Variants in RAD51B observed in about 807,000 individuals in gnomAD.
RAD51B encodes DNA repair protein RAD51 homolog 2.
Under a neutral mutation model 42.2 loss-of-function variants are expected in RAD51B, and 38 were observed. The observed-to-expected ratio is 0.90, with a 90% CI of 0.70 to 1.18. The LOEUF is 1.18. Ranked by LOEUF, RAD51B falls within the 50% of genes most tolerant of loss-of-function variation. RAD51B has a pLI of 0.00. For missense variants in RAD51B, 373 were observed against 400.7 expected, an observed-to-expected ratio of 0.93 and a Z score of 0.59; for synonymous variants, 154 against 145.2, an observed-to-expected ratio of 1.06 and a Z score of -0.43.
intron 7 of RAD51B, among the ~76,000 whole-genome samples, chr14:68,269,511 T>A (rs1445687594): frequency 6.6e-6 from 1 of 152,212 alleles, no homozygotes; most frequent in African/African-American, 2.4e-5. Flanking sequence ...GGATCGTCAC[T>A]CAGATCTCAG....
downstream of RAD51B, among the ~76,000 whole-genome samples, chr14:68,478,844 C>T (rs1010770771): frequency 1.3e-5 from 2 of 152,198 alleles, no homozygotes; most frequent in African/African-American, 4.8e-5. Context: ...TTTAACGACT[C>T]AGTATTTGTT....
At chr14:67,827,776 G>A (rs2040883208) in intron 3 of RAD51B, among the ~76,000 whole-genome samples, 2 of 152,176 alleles carry the variant, frequency 1.3e-5, no homozygotes, top group African/African-American at 4.8e-5. Context: ...TGCTGAGGAT[G>A]ATGGCTTCCA....
chr14:67,944,326 A>G lies in RAD51B; in HGVS notation c.756+57122A>G, dbSNP rs531209347. The stretch of plus-strand genomic sequence containing the variant: ...ATTAGTTGTTTTAAGCCACAAATAT[A>G]TAAGGAAGTTATTTTCTTTCAAAAC... On this transcript the variant is annotated intron_variant, in intron 7 of 10. Coordinates refer to ENST00000471583, the MANE Select transcript of RAD51B (RefSeq NM_133510.4). 9.2e-4 allele frequency among the ~76,000 whole-genome samples: 140 copies of G among 151,690 alleles called. 1 individual carries two copies. Among genetic ancestry groups the G allele is most frequent in the Non-Finnish European group, 1.2e-3 (82 of 67,988 alleles).
chr14:68,403,417 A>C (rs375899507), intron 8 of RAD51B, among the ~76,000 whole-genome samples: 1 of 152,178 alleles, frequency 6.6e-6, no homozygotes, highest in Non-Finnish European at 1.5e-5. Flanking sequence ...TTGATCTCCT[A>C]GAAATGCTTA....
At chr14:68,446,250 ATG>A (rs1379063076) in intron 9 of RAD51B, among the ~76,000 whole-genome samples, 1 of 152,222 alleles carries the variant, frequency 6.6e-6, no homozygotes, top group Non-Finnish European at 1.5e-5. Flanking sequence ...TATGGAGATT[ATG>A]AAGTGCTCTG....
chr14:67,884,136 T>G (rs1291116823), intron 5 of RAD51B, among the ~76,000 whole-genome samples: 1 of 152,208 alleles, frequency 6.6e-6, no homozygotes, highest in African/African-American at 2.4e-5. Context: ...TAAAAAACAT[T>G]TAGAGAAACA....
At chr14:68,435,492 GT>G (rs35536205) in intron 9 of RAD51B, among the ~76,000 whole-genome samples, 27,277 of 128,048 alleles carry the variant, frequency 0.21, 2,911 homozygotes, top group East Asian at 0.46. Flanking sequence ...GTGGTTTTTG[GT>G]TTTTTTTTTT....
At chr14:67,833,012 A>G (rs960731451) in intron 3 of RAD51B, among the ~76,000 whole-genome samples, 13 of 152,232 alleles carry the variant, frequency 8.5e-5, no homozygotes, top group Non-Finnish European at 1.9e-4. Flanking sequence ...AATGATCAAA[A>G]CCAACAAATG....
At chr14:67,915,846 T>A (rs2044133717) in intron 7 of RAD51B, among the ~76,000 whole-genome samples, 2 of 152,222 alleles carry the variant, frequency 1.3e-5, no homozygotes, top group South Asian at 4.1e-4. Flanking sequence ...AGCCTGAAGC[T>A]TTTTTCCTCC....
intron 7 of RAD51B, among the ~76,000 whole-genome samples, chr14:68,175,928 A>G (rs1288325312): frequency 3.9e-5 from 6 of 152,202 alleles, no homozygotes; most frequent in Admixed American, 1.3e-4. Flanking sequence ...GAATAGTTGC[A>G]TTCAAATTTG....
At chr14:67,856,401 A>T (rs2042001537) in intron 4 of RAD51B, among the ~76,000 whole-genome samples, 1 of 151,758 alleles carries the variant, frequency 6.6e-6, no homozygotes. Context: ...TAGGATTTAG[A>T]ATGTTAGTTA....
At chr14:68,082,105 T>A (rs942076386) in intron 7 of RAD51B, among the ~76,000 whole-genome samples, 14 of 152,012 alleles carry the variant, frequency 9.2e-5, no homozygotes, top group Admixed American at 9.2e-4. Context: ...GGACTACAAG[T>A]GCATGCCACC....
At chr14:67,948,219 G>C (rs2045462525) in intron 7 of RAD51B, among the ~76,000 whole-genome samples, 1 of 152,210 alleles carries the variant, frequency 6.6e-6, no homozygotes, top group Non-Finnish European at 1.5e-5. Flanking sequence ...TCCTAAGAGT[G>C]AGAGGTGATC....
At position 68,411,984 on chromosome 14, in the gene RAD51B, C is replaced by T. The variant is rs150719269; in HGVS notation, c.957+457C>T. Among the ~76,000 whole-genome samples, 27 of 152,294 alleles carry T rather than the reference C, an allele frequency of 1.8e-4. No homozygotes were observed. In the East Asian group the frequency reaches 4.0e-3, roughly 23 times the overall value. On this transcript the variant is annotated intron_variant, in intron 9 of 10. Transcript: ENST00000471583. ...CAGATACTAGGTACTTTTACATTAA[C>T]GCATACACCTGTAGTGTAAAGTACT... is the stretch of plus-strand genomic sequence containing the variant.
chr14:68,474,914 G>A (rs768176600), intron 10 of RAD51B, among the ~76,000 whole-genome samples: 2 of 152,214 alleles, frequency 1.3e-5, no homozygotes, highest in Non-Finnish European at 2.9e-5. Context: ...TGCCGAGGAG[G>A]AATGCAGTCC....
chr14:68,361,734 G>A (rs374708079), intron 8 of RAD51B, among the ~76,000 whole-genome samples: 14 of 152,168 alleles, frequency 9.2e-5, no homozygotes, highest in East Asian at 7.7e-4. Flanking sequence ...GGAGTATGGC[G>A]GCACGATCTC....
At chr14:67,857,829 A>AGTGT (rs1376072933) in intron 4 of RAD51B, 1 of 153,046 alleles carries the variant, frequency 6.5e-6, no homozygotes, top group Admixed American at 6.5e-5. Context: ...TGAGTGAGTG[A>AGTGT]GTGCGGGATC....
intron 5 of RAD51B, among the ~76,000 whole-genome samples, chr14:67,867,116 G>T (rs960126954): frequency 3.9e-5 from 6 of 152,292 alleles, no homozygotes; most frequent in Admixed American, 2.0e-4. Context: ...ATATATGCCA[G>T]ATTTGGCATT....
At chr14:68,073,144 T>C (rs965165391) in intron 7 of RAD51B, among the ~76,000 whole-genome samples, 1 of 152,238 alleles carries the variant, frequency 6.6e-6, no homozygotes, top group East Asian at 1.9e-4. Context: ...ACTATTATCA[T>C]GTGGTTATCT....
Sources: gnomAD v4.1 joint callset for allele counts (sites outside exome capture counted in the v4.1 genomes callset) on GRCh38, gnomAD v4.1.1 for gene constraint, MANE v1.5 for transcripts, NCBI Gene and HGNC (gene_info 2026-07-23, HGNC 2026-07-21) for gene names.